JAKMIP1: variants seen among roughly 807,000 people sequenced by gnomAD.
JAKMIP1 encodes the protein janus kinase and microtubule interacting protein 1.
A neutral mutation model predicts 113.0 loss-of-function variants in JAKMIP1; 33 were observed. That is an observed-to-expected ratio of 0.29 (90% CI 0.22 to 0.39). JAKMIP1 has a LOEUF of 0.39. JAKMIP1 is among the 10% of genes least tolerant of loss of function. The pLI is 1.00. For synonymous variants in JAKMIP1, 480 were observed against 459.9 expected, an observed-to-expected ratio of 1.04 and a Z score of -0.56; for missense variants, 813 against 1,080.5, an observed-to-expected ratio of 0.75 and a Z score of 3.47.
intron 20 of JAKMIP1, among the ~76,000 whole-genome samples, chr4:6,027,194 AT>A (rs1711967853): frequency 6.6e-6 from 1 of 152,226 alleles, no homozygotes; most frequent in African/African-American, 2.4e-5. Flanking sequence ...GTTGCAAGTC[AT>A]TAGGGGAAAC....
intron 15 of JAKMIP1, 64 bp from the exon 16 acceptor site, chr4:6,048,986 G>T: frequency 8.0e-7 from 1 of 1,246,964 alleles, no homozygotes; most frequent in Non-Finnish European, 1.2e-6. Context: ...CAGACAGTCA[G>T]CACCAAGCAA....
intron 1 of JAKMIP1, among the ~76,000 whole-genome samples, chr4:6,170,205 T>C (rs865782368): frequency 1.6e-5 from 2 of 128,748 alleles, no homozygotes; most frequent in East Asian, 2.7e-4. Flanking sequence ...ACCACCATCA[T>C]TGTCAAGACC....
chr4:6,124,024 C>T (rs180805798), intron 1 of JAKMIP1, among the ~76,000 whole-genome samples: 7 of 152,316 alleles, frequency 4.6e-5, no homozygotes, highest in Admixed American at 3.3e-4. Context: ...CTAACACGTA[C>T]TCTGGGCTTG....
chr4:6,198,074 A>T (rs551164066), intron 1 of JAKMIP1, among the ~76,000 whole-genome samples: 2 of 152,350 alleles, frequency 1.3e-5, no homozygotes, highest in South Asian at 4.1e-4. Flanking sequence ...AAGTGGGACC[A>T]TCTCTCAGGC....
rs1719965691 is a variant in JAKMIP1, at chr4:6,140,444, T to C, written c.-147-27447A>G. On this transcript the variant is annotated intron_variant, in intron 1 of 20. Transcript: ENST00000409021. The surrounding 1 kb of genome is among the most constrained non-coding windows in gnomAD (Gnocchi z 9.4). ...ACAGACCCACCCCAGGAGTGTGTGC[T>C]CAGGTCCTGCTTCATCAACACTGGG... Among the ~76,000 whole-genome samples, 1 of 151,986 alleles carries C rather than the reference T, an allele frequency of 6.6e-6. No homozygotes were observed. Among genetic ancestry groups the C allele is most frequent in the Non-Finnish European group, 1.5e-5 (1 of 67,996 alleles).
rs982443762 is a variant in JAKMIP1 at position 6,105,707 on chromosome 4, C to T, written c.390G>A (p.Thr130=). ...LRDGAADKVK[T]ALLTEAREEA... ...CCTCGCGCGCCTCGGTCAGCAGCGC[C>T]GTCTTGACCTTGTCGGCCGCGCCGT... is the stretch of plus-strand genomic sequence containing the variant. Residue 130 remains threonine, a synonymous_variant, in exon 3 of 21, where the codon ACG becomes ACA. Transcript: ENST00000409021. 1.9e-6 allele frequency: 3 copies of T among 1,602,428 alleles called. No homozygotes were observed. Among genetic ancestry groups the T allele is most frequent in the South Asian group, 1.1e-5 (1 of 90,530 alleles).
chr4:6,194,055 C>T lies in JAKMIP1; in HGVS notation c.-148+6198G>A, dbSNP rs745671819. 6.6e-6 allele frequency among the ~76,000 whole-genome samples: 1 copy of T among 152,064 alleles called. No individual in the cohort carries two copies. Among genetic ancestry groups the T allele is most frequent in the East Asian group, 1.9e-4 (1 of 5,152 alleles). ...CTAAGTGGAAGAAGCCAGCCACATA[C>T]GATCTGGTTCTACATCTGTGAAATA... On this transcript the variant is annotated intron_variant, in intron 1 of 20. Transcript: ENST00000409021. The surrounding 1 kb of genome is among the most constrained non-coding windows in gnomAD (Gnocchi z 7.4).
rs1354886844 is a variant in JAKMIP1 at position 6,185,265 on chromosome 4, CCTGA to C, written c.-148+14984_-148+14987del. ...TATCAGTTCTGTCCCTCTCGAGAAC[CCTGA>C]CTAATACAAGTGGGAACCAGCCCTG... is the stretch of plus-strand genomic sequence containing the variant. On this transcript the variant is annotated intron_variant, in intron 1 of 20. Coordinates refer to ENST00000409021, the MANE Select transcript of JAKMIP1 (RefSeq NM_001099433.2). This position sits in a 1 kb window ranked among gnomAD's most constrained non-coding sequence, Gnocchi z 5.3. Among the ~76,000 whole-genome samples, 1 of 152,178 alleles carries C rather than the reference CCTGA, an allele frequency of 6.6e-6. No individual in the cohort carries two copies. Among genetic ancestry groups the C allele is most frequent in the African/African-American group, 2.4e-5 (1 of 41,438 alleles).
intron 16 of JAKMIP1, among the ~76,000 whole-genome samples, chr4:6,045,680 C>G (rs541627822): frequency 1.3e-5 from 2 of 152,284 alleles, no homozygotes; most frequent in East Asian, 1.9e-4. Flanking sequence ...TGAGACCAGC[C>G]TAACCAACAT....
chr4:6,182,410 GA>G (rs56678982), intron 1 of JAKMIP1, among the ~76,000 whole-genome samples: 8,691 of 120,156 alleles, frequency 0.072, 806 homozygotes, highest in African/African-American at 0.24. Context: ...CCCTGTCTCA[GA>G]AAAAAAAAAA....
At chr4:6,103,821 C>T (rs1713470405) in intron 3 of JAKMIP1, among the ~76,000 whole-genome samples, 1 of 152,166 alleles carries the variant, frequency 6.6e-6, no homozygotes, top group Admixed American at 6.5e-5. Flanking sequence ...ACTGTAGGAG[C>T]TGTGGTATTT....
chr4:6,101,365 C>T (rs1342384686), intron 3 of JAKMIP1, among the ~76,000 whole-genome samples: 3 of 152,056 alleles, frequency 2.0e-5, no homozygotes, highest in Admixed American at 6.5e-5. Context: ...TAGTGAACTG[C>T]CACGGTATCT....
At chr4:6,170,000 CCACCACCACCCT>C (rs1560314266) in intron 1 of JAKMIP1, among the ~76,000 whole-genome samples, 2 of 143,866 alleles carry the variant, frequency 1.4e-5, no homozygotes, top group Non-Finnish European at 3.0e-5. Context: ...ACCACCACCA[CCACCACCACCCT>C]CACCACCACC....
chr4:6,077,472 A>C (rs36113086), intron 8 of JAKMIP1, among the ~76,000 whole-genome samples: 1,431 of 140,508 alleles, frequency 0.01, 20 homozygotes, highest in African/African-American at 0.033. Flanking sequence ...AAGATAATAC[A>C]TTTCCTTTCC....
Position 6,042,253 on chromosome 4 carries a change from G to T in JAKMIP1, c.2029-26C>A. ...CTAGAAAACAGCAGGGACAGGACGG[G>T]TGCAGCAAAGTGAGAGTCAGAACCC... is the stretch of plus-strand genomic sequence containing the variant. On this transcript the variant is annotated intron_variant, in intron 16 of 20. Transcript: ENST00000409021. The surrounding 1 kb of genome is among the most constrained non-coding windows in gnomAD (Gnocchi z 5.2). The T allele has an allele frequency of 6.3e-7, 1 of 1,590,832 alleles. No individual in the cohort carries two copies. The highest frequency in any genetic ancestry group is 8.6e-7 in the Non-Finnish European group (1 of 1,159,346).
Position 6,105,531 on chromosome 4 carries a change from G to C in JAKMIP1, c.566C>G (p.Ala189Gly), listed in dbSNP as rs751674190. 3 of 1,607,988 alleles carry C rather than the reference G, an allele frequency of 1.9e-6. No individual in the cohort carries two copies. Among genetic ancestry groups the C allele is most frequent in the Admixed American group, 1.7e-5 (1 of 59,422 alleles). ...GATGCGGTGCACCTCGTCTTGGTGCGCCTGGTAGGCGGCACGCAGGTCGGC... is the reference window on the plus strand; with the variant it reads ...GATGCGGTGCACCTCGTCTTGGTGCCCCTGGTAGGCGGCACGCAGGTCGGC... ...KAADLRAAYQAHQDEVHRIKR... is the reference protein window; with the variant it reads ...KAADLRAAYQGHQDEVHRIKR... Residue 189 changes from alanine (A) to glycine (G), a missense_variant, in exon 3 of 21, where the codon GCG becomes GGG. This residue lies in a region of JAKMIP1 where 540 missense variants were observed against 653.9 expected (regional missense o/e 0.83). Transcript: ENST00000409021.
chr4:6,053,449 G>T (rs922674477), intron 13 of JAKMIP1, among the ~76,000 whole-genome samples: 2 of 152,168 alleles, frequency 1.3e-5, no homozygotes, highest in African/African-American at 4.8e-5. Flanking sequence ...TTTGAACAAC[G>T]TAACTAGTTT....
At chr4:6,113,567 G>A (rs1560208435) in intron 1 of JAKMIP1, among the ~76,000 whole-genome samples, 1 of 152,198 alleles carries the variant, frequency 6.6e-6, no homozygotes, top group Non-Finnish European at 1.5e-5. Context: ...CAGTGTTACA[G>A]ATGAGGAAAC....
Position 6,162,104 on chromosome 4 carries a change from G to A in JAKMIP1, c.-148+38149C>T, listed in dbSNP as rs1261774170. 2.0e-5 allele frequency among the ~76,000 whole-genome samples: 3 copies of A among 148,072 alleles called. No homozygotes were observed. The highest frequency in any genetic ancestry group is 4.4e-5 in the Non-Finnish European group (3 of 68,018). On this transcript the variant is annotated intron_variant, in intron 1 of 20. Transcript: ENST00000409021. This position sits in a 1 kb window ranked among gnomAD's most constrained non-coding sequence, Gnocchi z 5.6. ...CAGGCTCAGCCATGTCTGGGACGGG[G>A]TAGATTATGGGCCAGACGGGGGGCC...
Sources: gnomAD v4.1 joint callset for allele counts (sites outside exome capture counted in the v4.1 genomes callset) on GRCh38, gnomAD v4.1.1 for gene constraint, gnomAD v4.1.1 regional missense constraint, Gnocchi (gnomAD v3.1) non-coding constraint, MANE v1.5 for transcripts, NCBI Gene and HGNC (gene_info 2026-07-23, HGNC 2026-07-21) for gene names.